The following PRICKLE2 variants were observed in gnomAD, a reference collection of about 807,000 sequenced individuals.
The protein encoded by PRICKLE2 is prickle planar cell polarity protein 2.
Under a neutral mutation model 81.4 loss-of-function variants are expected in PRICKLE2, and 21 were observed. That is an observed-to-expected ratio of 0.26 (90% CI 0.18 to 0.37). The LOEUF (loss-of-function observed/expected upper bound fraction) is 0.37. Ranked by LOEUF, PRICKLE2 falls within the 10% of genes least tolerant of loss-of-function variation. The pLI, the probability that PRICKLE2 is intolerant of heterozygous loss-of-function variation, is 1.00. For missense variants in PRICKLE2, 940 were observed against 1,109.0 expected, an observed-to-expected ratio of 0.85 and a Z score of 2.16; for synonymous variants, 456 against 421.5, an observed-to-expected ratio of 1.08 and a Z score of -1.00.
chr3:64,246,411 C>T (rs1473299504), intron 2 of PRICKLE2, among the ~76,000 whole-genome samples: 1 of 152,206 alleles, frequency 6.6e-6, no homozygotes, highest in Non-Finnish European at 1.5e-5. Context: ...CGTGACCCAA[C>T]CTATAGCACC....
chr3:64,185,947 T>A (rs970852053), intron 2 of PRICKLE2, among the ~76,000 whole-genome samples: 1 of 152,142 alleles, frequency 6.6e-6, no homozygotes, highest in African/African-American at 2.4e-5. Context: ...CATTTCCCCA[T>A]CCCCAAGTAA....
At chr3:64,108,490 T>C (rs571038731) in intron 7 of PRICKLE2, among the ~76,000 whole-genome samples, 31 of 152,084 alleles carry the variant, frequency 2.0e-4, no homozygotes, top group African/African-American at 6.5e-4. Context: ...TGACAGGGCA[T>C]GGAATGGCTC....
At chr3:64,210,437 G>T (rs1032627017) in intron 1 of PRICKLE2, among the ~76,000 whole-genome samples, 1 of 152,078 alleles carries the variant, frequency 6.6e-6, no homozygotes, top group Non-Finnish European at 1.5e-5. Context: ...AAGCTCAAGG[G>T]CGGAGACTGT....
At chr3:64,198,143 C>T (rs946626440) in intron 2 of PRICKLE2, among the ~76,000 whole-genome samples, 1 of 151,732 alleles carries the variant, frequency 6.6e-6, no homozygotes, top group Non-Finnish European at 1.5e-5. Context: ...ACCCGGGAGG[C>T]AGAGCTTGCA....
chr3:64,263,674 A>AT (rs2079649397), intron 2 of PRICKLE2, among the ~76,000 whole-genome samples: 2 of 152,180 alleles, frequency 1.3e-5, no homozygotes, highest in African/African-American at 4.8e-5. Flanking sequence ...GGGAGGCATT[A>AT]TGGATTGGAG....
intron 2 of PRICKLE2, among the ~76,000 whole-genome samples, chr3:64,252,456 C>T (rs1389651557): frequency 1.3e-5 from 2 of 152,122 alleles, no homozygotes; most frequent in African/African-American, 2.4e-5. Context: ...AGCTCTCAGC[C>T]GATGCAGTAA....
chr3:64,168,261 T>C (rs2077868425), intron 2 of PRICKLE2, among the ~76,000 whole-genome samples: 1 of 152,088 alleles, frequency 6.6e-6, no homozygotes. Flanking sequence ...TTCTTCACCA[T>C]CTAGATGCGG....
chr3:64,106,328 C>G lies in PRICKLE2; in HGVS notation c.1661-6403G>C, dbSNP rs558128707. Among the ~76,000 whole-genome samples the G allele has an allele frequency of 1.9e-4, 29 of 152,274 alleles. No individual in the cohort carries two copies. In the South Asian group the frequency reaches 5.4e-3, roughly 28 times the overall value. Reference sequence around the variant, plus strand: ...ACCAAATCCAGCTCACCGCTCACTGCCTGTTTTTCTAAATAAAGTTGTATT... The same window carrying G: ...ACCAAATCCAGCTCACCGCTCACTGGCTGTTTTTCTAAATAAAGTTGTATT... On this transcript the variant is annotated intron_variant, in intron 7 of 7. Transcript: ENST00000638394.
rs970739278 is a variant in PRICKLE2, at chr3:64,216,277, G to A, written c.-41+8633C>T. ...GCCCTTAAAATCTGATGAAAGCTGG[G>A]ATCCTCTCCCTTAAAAAATGGACAT... On this transcript the variant is annotated intron_variant, in intron 1 of 7. Coordinates refer to ENST00000638394, the MANE Select transcript of PRICKLE2 (RefSeq NM_198859.4). Among the ~76,000 whole-genome samples the A allele has an allele frequency of 3.3e-5, 5 of 152,136 alleles. 1 individual carries two copies. The highest frequency in any genetic ancestry group is 4.1e-4 in the South Asian group (2 of 4,826).
chr3:64,153,457 AG>A, intron 5 of PRICKLE2, 89 bp from the exon 6 acceptor site: 1 of 1,247,848 alleles, frequency 8.0e-7, no homozygotes, highest in Non-Finnish European at 1.2e-6. Flanking sequence ...TTGAACTAGA[AG>A]GGTAAGAAAG....
At chr3:64,127,447 T>G (rs920814953) in intron 7 of PRICKLE2, among the ~76,000 whole-genome samples, 2 of 152,144 alleles carry the variant, frequency 1.3e-5, no homozygotes, top group African/African-American at 4.8e-5. Context: ...GGGCAAGGCA[T>G]GGTGCTGGGC....
intron 2 of PRICKLE2, among the ~76,000 whole-genome samples, chr3:64,256,664 A>C (rs907813469): frequency 6.6e-6 from 1 of 152,228 alleles, no homozygotes; most frequent in African/African-American, 2.4e-5. Flanking sequence ...AGATATTATA[A>C]TCCTATAGAA....
In PRICKLE2 at chr3:64,117,156, C is replaced by T. The variant is rs1427784512; in HGVS notation, c.1661-17231G>A. Among the ~76,000 whole-genome samples, 3 of 152,190 alleles carry T rather than the reference C, an allele frequency of 2.0e-5. No homozygotes were observed. In the East Asian group the frequency reaches 5.8e-4, roughly 29 times the overall value. On this transcript the variant is annotated intron_variant, in intron 7 of 7. Coordinates refer to ENST00000638394, the MANE Select transcript of PRICKLE2 (RefSeq NM_198859.4). ...ATTTTGATAAAATTCAACATCTTCT[C>T]ATGTAAAAAACTTTCAATAAACTAG...
intron 2 of PRICKLE2, among the ~76,000 whole-genome samples, chr3:64,262,081 A>G (rs1460981939): frequency 2.0e-5 from 3 of 152,144 alleles, no homozygotes; most frequent in Admixed American, 6.5e-5. Flanking sequence ...GTAGAGTCTC[A>G]TCAATTTTGA....
chr3:64,204,562 G>GAACAAC (rs79433924), intron 1 of PRICKLE2, among the ~76,000 whole-genome samples: 3 of 150,430 alleles, frequency 2.0e-5, no homozygotes, highest in African/African-American at 4.9e-5. Context: ...TTTTACTTCT[G>GAACAAC]AACAACAACA....
At chr3:64,258,197 G>C (rs184947242) in intron 2 of PRICKLE2, among the ~76,000 whole-genome samples, 4 of 152,128 alleles carry the variant, frequency 2.6e-5, no homozygotes, top group South Asian at 2.1e-4. Flanking sequence ...GGGTGGGGGT[G>C]GGAAGACATC....
chr3:64,225,761 A>C (rs573891218), upstream of PRICKLE2, among the ~76,000 whole-genome samples: 1 of 152,248 alleles, frequency 6.6e-6, no homozygotes, highest in East Asian at 1.9e-4. Flanking sequence ...GCCAAGGTTC[A>C]GATCTGGGCA....
intron 2 of PRICKLE2, among the ~76,000 whole-genome samples, chr3:64,255,334 C>T (rs1326058140): frequency 3.9e-5 from 6 of 152,142 alleles, no homozygotes; most frequent in African/African-American, 1.4e-4. Context: ...GATCAGGAGG[C>T]CCTGTGTAGG....
intron 7 of PRICKLE2, among the ~76,000 whole-genome samples, chr3:64,123,177 C>G (rs985280): frequency 0.6 from 91,893 of 151,954 alleles, 28,330 homozygotes; most frequent in South Asian, 0.74. Context: ...CTTGATCCAA[C>G]AGTCTTATTT....
Sources: gnomAD v4.1 joint callset for allele counts (sites outside exome capture counted in the v4.1 genomes callset) on GRCh38, gnomAD v4.1.1 for gene constraint, MANE v1.5 for transcripts, NCBI Gene and HGNC (gene_info 2026-07-23, HGNC 2026-07-21) for gene names.